CNOT8: variants seen among roughly 807,000 people sequenced by gnomAD.
CNOT8 encodes CAF1-like protein.
In CNOT8, 18 loss-of-function variants were observed where a neutral mutation model predicts 34.6. The ratio of observed to expected loss-of-function variants is 0.52; its 90% CI spans 0.36 to 0.77. The LOEUF (loss-of-function observed/expected upper bound fraction) is 0.77, where lower values mean the gene tolerates loss of function less well. CNOT8 is among the 30% of genes least tolerant of loss of function. The probability of loss-of-function intolerance (pLI) is 0.00; values close to 1 mark genes in which losing one functional copy is unlikely to be tolerated. For missense variants in CNOT8, 189 were observed against 347.9 expected (o/e 0.54, Z 3.63); for synonymous variants, 101 against 118.8 (o/e 0.85, Z 0.98).
At chr5:154,861,312 T>C (rs941358686) in intron 1 of CNOT8, among the ~76,000 whole-genome samples, 4 of 152,264 alleles carry the variant, frequency 2.6e-5, no homozygotes, top group African/African-American at 7.2e-5. Flanking sequence ...TTAAGAAGTT[T>C]CTACTATGTT....
Position 154,861,753 on chromosome 5 carries a change from C to T in CNOT8, c.-72-1454C>T, listed in dbSNP as rs554526534. On this transcript the variant is annotated intron_variant, in intron 1 of 6. Coordinates refer to ENST00000285896, the MANE Select transcript of CNOT8 (RefSeq NM_001301073.2). ...TCGCTCTGTCGCCCAGGCTGGAGTG[C>T]GGTGGCGCGATCTTGGCTCACTGCA... is the stretch of plus-strand genomic sequence containing the variant. 5.9e-5 allele frequency among the ~76,000 whole-genome samples: 9 copies of T among 152,300 alleles called. No individual in the cohort carries two copies. In the South Asian group the frequency reaches 1.2e-3, roughly 21 times the overall value.
At position 154,862,476 on chromosome 5, in the gene CNOT8, A is replaced by C. The variant is rs140037001; in HGVS notation, c.-72-731A>C. Among the ~76,000 whole-genome samples the C allele has an allele frequency of 7.8e-3, 1,182 of 152,278 alleles. 20 individuals carry two copies. The highest frequency in any genetic ancestry group is 0.027 in the African/African-American group (1,113 of 41,550). ...CAGAGCAAGACTCCATCTCAAAAAA[A>C]AAAAAGTAAATACTAACTAAAATTC... On this transcript the variant is annotated intron_variant, in intron 1 of 6. Coordinates refer to ENST00000285896, the MANE Select transcript of CNOT8 (RefSeq NM_001301073.2).
chr5:154,865,463 C>A, intron 3 of CNOT8, 78 bp downstream of exon 3: 2 of 952,758 alleles, frequency 2.1e-6, no homozygotes, highest in South Asian at 1.9e-5. Flanking sequence ...ATAGAGCGGT[C>A]AAGCAGAGGA....
chr5:154,876,452 A>AATT lies in CNOT8; in HGVS notation c.*1014_*1016dup, dbSNP rs965929002. On this transcript the variant is annotated 3_prime_UTR_variant, in exon 7 of 7. Coordinates refer to ENST00000285896, the MANE Select transcript of CNOT8 (RefSeq NM_001301073.2). ...GTTACATTTAATCAGGCAGTAAGAT[A>AATT]ATTTGGGTTCTTGAGTTGTTTTGGA... 4.6e-5 allele frequency: 7 copies of AATT among 152,344 alleles called. No homozygotes were observed. Among genetic ancestry groups the AATT allele is most frequent in the African/African-American group, 1.7e-4 (7 of 41,566 alleles). The allele number at this position is 152,344 out of a possible 1,614,324, so 9.4% of individuals were successfully genotyped here. A position where few individuals can be genotyped will look rare whatever the true frequency, so the allele number is the denominator to read the frequency against.
chr5:154,868,082 G>A (rs567250750), intron 3 of CNOT8, among the ~76,000 whole-genome samples: 9 of 151,436 alleles, frequency 5.9e-5, no homozygotes, highest in East Asian at 1.9e-4. Context: ...GATTACAGGC[G>A]CCCACCACCA....
At chr5:154,866,960 T>C (rs150148901) in intron 3 of CNOT8, among the ~76,000 whole-genome samples, 7 of 150,826 alleles carry the variant, frequency 4.6e-5, no homozygotes, top group Admixed American at 3.4e-4. Context: ...AGCCTAGTTA[T>C]AATAAGCAAA....
intron 3 of CNOT8, among the ~76,000 whole-genome samples, chr5:154,867,080 A>G (rs1218979214): frequency 6.6e-6 from 1 of 152,246 alleles, no homozygotes; most frequent in African/African-American, 2.4e-5. Context: ...GTCTAACCCA[A>G]GTTTATATGA....
chr5:154,866,926 A>G (rs886977615), intron 3 of CNOT8, among the ~76,000 whole-genome samples: 2 of 152,140 alleles, frequency 1.3e-5, no homozygotes, highest in African/African-American at 4.8e-5. Flanking sequence ...AAAAAGAAAA[A>G]AAATAATGTT....
intron 3 of CNOT8, chr5:154,867,713 C>T: frequency 3.5e-6 from 1 of 282,548 alleles, no homozygotes; most frequent in South Asian, 2.7e-5. Context: ...AAAAAGTCAA[C>T]AATAATACAT....
At chr5:154,865,497 G>A in intron 3 of CNOT8, 112 bp downstream of exon 3, 1 of 639,198 alleles carries the variant, frequency 1.6e-6, no homozygotes, top group Non-Finnish European at 2.5e-6. Context: ...CTCAGCAAGT[G>A]AAGTCCTGCT....
intron 3 of CNOT8, among the ~76,000 whole-genome samples, chr5:154,865,889 A>G (rs1191075046): frequency 6.6e-6 from 1 of 152,170 alleles, no homozygotes; most frequent in Admixed American, 6.5e-5. Flanking sequence ...ATTCCATGGT[A>G]TGTATATACC....
chr5:154,870,907 T>C, intron 4 of CNOT8, 85 bp downstream of exon 4: 1 of 1,196,672 alleles, frequency 8.4e-7, no homozygotes, highest in South Asian at 1.5e-5. Flanking sequence ...TTTGCAGTCC[T>C]AGTGACTGTT....
chr5:154,860,987 A>G (rs1468689355), intron 1 of CNOT8, among the ~76,000 whole-genome samples: 1 of 152,188 alleles, frequency 6.6e-6, no homozygotes, highest in African/African-American at 2.4e-5. Flanking sequence ...TGATACACCC[A>G]CTTCCTCCAA....
intron 3 of CNOT8, among the ~76,000 whole-genome samples, chr5:154,868,002 T>G (rs982768031): frequency 2.0e-5 from 3 of 152,150 alleles, no homozygotes; most frequent in Non-Finnish European, 4.4e-5. Context: ...AGTGGCACAA[T>G]CTCAGCTCAC....
Position 154,863,297 on chromosome 5 carries a change from G to T in CNOT8, c.19G>T (p.Glu7Ter). The change falls in exon 2 of 7, where the codon GAG becomes TAG. Residue 7 changes from glutamate (E) to a stop codon, truncating the protein, a stop_gained. Coordinates refer to ENST00000285896, the MANE Select transcript of CNOT8 (RefSeq NM_001301073.2). LOFTEE classifies it high-confidence loss of function. The stretch of plus-strand genomic sequence containing the variant: ...CTTCAGGATGCCTGCAGCACTTGTG[G>T]AGAATAGCCAGGTTATCTGTGAAGT... MPAALV[E>*]NSQVICEVWA... The T allele has an allele frequency of 6.2e-7, 1 of 1,614,058 alleles. No homozygotes were observed. Among genetic ancestry groups the T allele is most frequent in the South Asian group, 1.1e-5 (1 of 91,080 alleles).
In CNOT8 at chr5:154,865,362, GT is replaced by G. The variant is rs746875605; in HGVS notation, c.290del (p.Phe97SerfsTer17). 6.3e-7 allele frequency: 1 copy of G among 1,580,442 alleles called. No homozygotes were observed. The highest frequency in any genetic ancestry group is 1.2e-5 in the South Asian group (1 of 84,972). ...ATCCTTCTGGAATCAATACTTGGCA[GT>G]TCAATTTCAAATTTAACCTTACGTA... is the stretch of plus-strand genomic sequence containing the variant. Reference protein sequence around the residue: ...EYPSGINTWQFNFKFNLTEDM... With the variant: ...EYPSGINTWQXNFKFNLTEDM... On this transcript the variant is annotated frameshift_variant, in exon 3 of 7. Transcript: ENST00000285896. LOFTEE classifies it high-confidence loss of function.
intron 6 of CNOT8, 68 bp downstream of exon 6, chr5:154,872,719 A>T (rs779261234): frequency 2.6e-6 from 2 of 778,038 alleles, no homozygotes; most frequent in Admixed American, 2.5e-5. Context: ...GAGGTAGTGG[A>T]TGGTCTGTTA....
intron 1 of CNOT8, among the ~76,000 whole-genome samples, chr5:154,862,247 T>A (rs1761418301): frequency 6.7e-6 from 1 of 148,922 alleles, no homozygotes; most frequent in African/African-American, 2.5e-5. Flanking sequence ...TACTGGCCGG[T>A]GGATCACAAG....
Position 154,876,062 on chromosome 5 carries a change from A to G in CNOT8, c.*623A>G, listed in dbSNP as rs1762904160. 6.6e-6 allele frequency: 1 copy of G among 152,368 alleles called. No homozygotes were observed. The highest frequency in any genetic ancestry group is 1.5e-5 in the Non-Finnish European group (1 of 68,180). The allele number at this position is 152,368 out of a possible 1,614,324, so 9.4% of individuals were successfully genotyped here. A position where few individuals can be genotyped will look rare whatever the true frequency, so the allele number is the denominator to read the frequency against. ...ACCAGATAATGAAACTGAAAAGCAA[A>G]CAATTTTACTGAATCTGTCTACCCT... On this transcript the variant is annotated 3_prime_UTR_variant, in exon 7 of 7. Transcript: ENST00000285896.
Sources: allele counts gnomAD v4.1 joint callset (sites outside exome capture counted in the v4.1 genomes callset), GRCh38; gene constraint gnomAD v4.1.1; transcripts MANE v1.5; gene names NCBI Gene and HGNC (gene_info 2026-07-23, HGNC 2026-07-21).